The following MMRN2 variants were observed in gnomAD, a reference collection of about 807,000 sequenced individuals.
MMRN2 encodes the protein multimerin 2.
MMRN2 carries 53 observed loss-of-function variants against 68.8 expected under a neutral mutation model. That is an observed-to-expected ratio of 0.77 (90% confidence interval 0.62 to 0.97). The LOEUF is 0.97. Ranked by LOEUF, MMRN2 falls within the 50% of genes least tolerant of loss-of-function variation. The pLI, the probability that MMRN2 is intolerant of heterozygous loss-of-function variation, is 0.00. For synonymous variants in MMRN2, 564 were observed against 551.6 expected (o/e 1.02, Z -0.32); for missense variants, 1,266 against 1,259.5 (o/e 1.01, Z -0.08).
In MMRN2 at chr10:86,944,379, G is replaced by A. The variant is rs750461695; in HGVS notation, c.538C>T (p.Leu180=). 1 of 1,614,096 alleles carries A rather than the reference G, an allele frequency of 6.2e-7. No individual in the cohort carries two copies. The highest frequency in any genetic ancestry group is 1.7e-5 in the Admixed American group (1 of 60,022). ...VEVQQEQQEH[L]LGDLQNDVHR... is the part of the protein sequence containing the mutation. ...ACATCATTCTGGAGATCTCCCAGCA[G>A]ATGTTCCTGCTGTTCCTGTTGCACC... The change falls in exon 5 of 7, where the codon CTG becomes TTG. Residue 180 remains leucine, a synonymous_variant. Transcript: ENST00000372027.
chr10:86,945,146 C>T (rs1372738319), intron 4 of MMRN2, 42 bp downstream of exon 4: 36 of 1,574,376 alleles, frequency 2.3e-5, no homozygotes, highest in Non-Finnish European at 2.9e-5. Context: ...CTACATGGGC[C>T]CCACCAGCCT....
chr10:86,941,477 C>A (rs952750855), intron 6 of MMRN2, among the ~76,000 whole-genome samples: 11 of 152,022 alleles, frequency 7.2e-5, no homozygotes, highest in Non-Finnish European at 1.3e-4. Flanking sequence ...CTGTACTCAC[C>A]TATTTTCTGA....
chr10:86,950,477 G>A (rs10887679), intron 1 of MMRN2, among the ~76,000 whole-genome samples: 18,393 of 152,200 alleles, frequency 0.12, 1,204 homozygotes, highest in East Asian at 0.18. Context: ...TGGTGTCACA[G>A]GAAACACTCT....
chr10:86,939,185 C>T (rs909041170), intron 6 of MMRN2, among the ~76,000 whole-genome samples: 8 of 141,254 alleles, frequency 5.7e-5, no homozygotes, highest in Non-Finnish European at 1.1e-4. Flanking sequence ...AAAAAAATGC[C>T]GGGCGCAATG....
intron 4 of MMRN2, among the ~76,000 whole-genome samples, chr10:86,944,927 G>A (rs1844043478): frequency 6.6e-6 from 1 of 152,212 alleles, no homozygotes; most frequent in African/African-American, 2.4e-5. Flanking sequence ...GTTCAGCGGG[G>A]CAAGGAAAGT....
intron 1 of MMRN2, among the ~76,000 whole-genome samples, chr10:86,956,742 G>A (rs1044152892): frequency 4.6e-5 from 7 of 152,246 alleles, no homozygotes; most frequent in Admixed American, 3.9e-4. Context: ...AGCACCTGCT[G>A]CTCTGACTGA....
At position 86,936,879 on chromosome 10, in the gene MMRN2, C is replaced by A; in HGVS notation, c.2714G>T (p.Gly905Val). 1 of 1,614,220 alleles carries A rather than the reference C, an allele frequency of 6.2e-7. No individual in the cohort carries two copies. Among genetic ancestry groups the A allele is most frequent in the Non-Finnish European group, 8.5e-7 (1 of 1,180,034 alleles). The change falls in exon 7 of 7, where the codon GGA becomes GTA. Residue 905 changes from glycine to valine, a missense_variant. By Grantham distance (109) the Gly-to-Val change is moderately radical. Coordinates refer to ENST00000372027, the MANE Select transcript of MMRN2 (RefSeq NM_024756.3). ...TPVCTTGQGS[G>V]STATVFAMAE... Reference sequence around the variant, plus strand: ...CATGGCAAAGACCGTTGCTGTGCTTCCACTCCCCTGCCCAGTGGTACAGAC... The same window carrying A: ...CATGGCAAAGACCGTTGCTGTGCTTACACTCCCCTGCCCAGTGGTACAGAC...
chr10:86,952,528 C>T (rs1425859786), intron 1 of MMRN2, among the ~76,000 whole-genome samples: 3 of 152,186 alleles, frequency 2.0e-5, no homozygotes, highest in Admixed American at 6.5e-5. Flanking sequence ...GGTGTGACAT[C>T]ACCTATCGGT....
chr10:86,942,623 C>A lies in MMRN2; in HGVS notation c.2161G>T (p.Ala721Ser). ...GAGGCGTTGAGGGAGGCGGCCCCGG[C>A]CCCGGCCTCGGCCTCGCAGCACCGC... is the stretch of plus-strand genomic sequence containing the variant. ...VGRCCEAEAG[A>S]GAASLNASLH... Residue 721 changes from alanine to serine, a missense_variant, in exon 6 of 7, where the codon GCC becomes TCC. Ala to Ser is a moderately conservative substitution (Grantham distance 99). Coordinates refer to ENST00000372027, the MANE Select transcript of MMRN2 (RefSeq NM_024756.3). 1 of 1,603,764 alleles carries A rather than the reference C, an allele frequency of 6.2e-7. No homozygotes were observed. The highest frequency in any genetic ancestry group is 1.7e-5 in the Admixed American group (1 of 59,968).
In MMRN2 at chr10:86,936,700, A is replaced by C; in HGVS notation, c.*43T>G. 6.3e-7 allele frequency: 1 copy of C among 1,598,308 alleles called. No homozygotes were observed. Among genetic ancestry groups the C allele is most frequent in the Non-Finnish European group, 8.5e-7 (1 of 1,169,762 alleles). ...TTGGCCAGAGCCCCAGGCCGAGGAG[A>C]GCTGGGCGAGTCCATGATGTCTGAT... On this transcript the variant is annotated 3_prime_UTR_variant, in exon 7 of 7. Coordinates refer to ENST00000372027, the MANE Select transcript of MMRN2 (RefSeq NM_024756.3).
In MMRN2 at chr10:86,945,683, C is replaced by T. The variant is rs1844057218; in HGVS notation, c.171G>A (p.Trp57Ter). 4 of 1,613,990 alleles carry T rather than the reference C, an allele frequency of 2.5e-6. No homozygotes were observed. Among genetic ancestry groups the T allele is most frequent in the Non-Finnish European group, 3.4e-6 (4 of 1,180,022 alleles). ...CCAGCTTGGACATTGGGTAGGGGCACCAGTTACTGGAAAACAAGCCAGAGG... is the reference window on the plus strand; with the variant it reads ...CCAGCTTGGACATTGGGTAGGGGCATCAGTTACTGGAAAACAAGCCAGAGG... ...DTGKDPVGRNWCPYPMSKLVT... is the reference protein window; with the variant it reads ...DTGKDPVGRN The change falls in exon 2 of 7, where the codon TGG (tryptophan) becomes TGA (stop). Residue 57 changes from tryptophan to a stop codon, truncating the protein, a stop_gained. Coordinates refer to ENST00000372027, the MANE Select transcript of MMRN2 (RefSeq NM_024756.3). LOFTEE classifies it high-confidence loss of function.
intron 6 of MMRN2, among the ~76,000 whole-genome samples, chr10:86,940,613 G>A (rs1326964767): frequency 6.6e-6 from 1 of 152,250 alleles, no homozygotes; most frequent in Non-Finnish European, 1.5e-5. Flanking sequence ...ATTTTACTGA[G>A]GAAGAAACAG....
rs1464735940 is a variant in MMRN2 at position 86,942,808 on chromosome 10, G to T, written c.1976C>A (p.Ala659Asp). Reference protein sequence around the residue: ...QEQALGWDELAARVTALEQAS... With the variant: ...QEQALGWDELDARVTALEQAS... ...CTGCTCCAGGGCCGTCACTCGGGCG[G>T]CCAGCTCGTCCCAGCCGAGCGCCTG... Residue 659 changes from alanine (A) to aspartate (D), a missense_variant, in exon 6 of 7, where the codon GCC (alanine) becomes GAC (aspartate). Ala to Asp is a moderately radical substitution (Grantham distance 126). Coordinates refer to ENST00000372027, the MANE Select transcript of MMRN2 (RefSeq NM_024756.3). 1 of 1,360,052 alleles carries T rather than the reference G, an allele frequency of 7.4e-7. No homozygotes were observed. Among genetic ancestry groups the T allele is most frequent in the African/African-American group, 1.5e-5 (1 of 65,358 alleles). 84.2% of individuals were successfully genotyped at this position (1,360,052 alleles called of 1,614,324 possible). A position where few individuals can be genotyped will look rare whatever the true frequency, so the allele number is the denominator to read the frequency against.
At chr10:86,955,666 C>T (rs1005816118) in intron 1 of MMRN2, among the ~76,000 whole-genome samples, 1 of 152,226 alleles carries the variant, frequency 6.6e-6, no homozygotes, top group Non-Finnish European at 1.5e-5. Flanking sequence ...CTTCCACCTC[C>T]CTGGTCACAG....
In MMRN2 at chr10:86,943,314, C is replaced by T; in HGVS notation, c.1470G>A (p.Lys490=). 1.2e-6 allele frequency: 2 copies of T among 1,613,904 alleles called. No homozygotes were observed. Among genetic ancestry groups the T allele is most frequent in the Non-Finnish European group, 1.7e-6 (2 of 1,180,000 alleles). The change falls in exon 6 of 7, where the codon AAG becomes AAA. Residue 490 remains lysine (K), a synonymous_variant. Transcript: ENST00000372027. The surrounding 1 kb of genome is among the most constrained non-coding windows in gnomAD (Gnocchi z 4.2). ...AATAGAGCTTCTGGCAATTGCAGTC[C>T]TTCACGTACTTGATGAGGTCGGCAT... ...GGHADLIKYV[K]DCNCQKLYLD... is the part of the protein sequence containing the mutation.
chr10:86,948,293 A>G (rs1844097855), intron 1 of MMRN2, among the ~76,000 whole-genome samples: 1 of 151,870 alleles, frequency 6.6e-6, no homozygotes, highest in East Asian at 1.9e-4. Flanking sequence ...AAAAACTAAG[A>G]CTGTGTAAGG....
intron 1 of MMRN2, chr10:86,949,915 A>G (rs1013015103): frequency 2.0e-5 from 3 of 149,370 alleles, no homozygotes; most frequent in African/African-American, 7.4e-5. Context: ...TAATAATAAT[A>G]GTCTTGGGCC....
Position 86,943,124 on chromosome 10 carries a change from C to T in MMRN2, c.1660G>A (p.Gly554Ser), listed in dbSNP as rs1844002480. The stretch of plus-strand genomic sequence containing the variant: ...GACGTGGCCGCCCGCGCCCGCTCGC[C>T]CTCCGCTTTGTGCGCGTCCACGGCC... ...SLAVDAHKAE[G>S]ERARAATSRL... The change falls in exon 6 of 7, where the codon GGC becomes AGC. Residue 554 changes from glycine to serine, a missense_variant. Coordinates refer to ENST00000372027, the MANE Select transcript of MMRN2 (RefSeq NM_024756.3). This position sits in a 1 kb window ranked among gnomAD's most constrained non-coding sequence, Gnocchi z 4.2. 3.8e-6 allele frequency: 6 copies of T among 1,559,480 alleles called. No individual in the cohort carries two copies. The highest frequency in any genetic ancestry group is 5.2e-6 in the Non-Finnish European group (6 of 1,157,308).
chr10:86,944,675 C>T, intron 4 of MMRN2: 1 of 525,690 alleles, frequency 1.9e-6, no homozygotes. Flanking sequence ...CCCTCCTCAG[C>T]ACATGCACAT....
Sources: gnomAD v4.1 joint callset for allele counts (sites outside exome capture counted in the v4.1 genomes callset) on GRCh38, gnomAD v4.1.1 for gene constraint, Gnocchi (gnomAD v3.1) non-coding constraint, MANE v1.5 for transcripts, NCBI Gene and HGNC (gene_info 2026-07-23, HGNC 2026-07-21) for gene names.